ZFPM2: variants seen among roughly 807,000 people sequenced by gnomAD.
The protein encoded by ZFPM2 is zinc finger protein, FOG family member 2.
ZFPM2 carries 20 observed loss-of-function variants against 98.6 expected under a neutral mutation model. The ratio of observed to expected loss-of-function variants is 0.20; its 90% CI spans 0.14 to 0.29. ZFPM2 has a LOEUF of 0.29. ZFPM2 is among the 10% of genes least tolerant of loss of function. The probability of loss-of-function intolerance (pLI) is 1.00; values close to 1 mark genes in which losing one functional copy is unlikely to be tolerated. For synonymous variants in ZFPM2, 518 were observed against 502.7 expected (o/e 1.03, Z -0.41); for missense variants, 1,310 against 1,388.6 (o/e 0.94, Z 0.90).
intron 5 of ZFPM2, among the ~76,000 whole-genome samples, chr8:105,692,772 C>T (rs1378559812): frequency 6.6e-6 from 1 of 152,042 alleles, no homozygotes; most frequent in African/African-American, 2.4e-5. Context: ...GAAAATTGTT[C>T]AGGATGGAAG....
chr8:105,415,633 T>C (rs1378944521), intron 1 of ZFPM2, among the ~76,000 whole-genome samples: 1 of 152,092 alleles, frequency 6.6e-6, no homozygotes, highest in East Asian at 1.9e-4. Flanking sequence ...GCTTCAAGTG[T>C]CTCTTACCCT....
At position 105,724,001 on chromosome 8, in the gene ZFPM2, A is replaced by C. The variant is rs113016473; in HGVS notation, c.533-64717A>C. Among the ~76,000 whole-genome samples the C allele has an allele frequency of 8.1e-3, 1,230 of 151,338 alleles. 13 individuals are homozygous for C. The highest frequency in any genetic ancestry group is 0.027 in the African/African-American group (1,127 of 41,262). ...TTATCTTTACATTTTTAAAGCCAAAACTCTGTCTAAAATTATCAAACCATC... is the reference window on the plus strand; with the variant it reads ...TTATCTTTACATTTTTAAAGCCAAACCTCTGTCTAAAATTATCAAACCATC... On this transcript the variant is annotated intron_variant, in intron 5 of 7. Coordinates refer to ENST00000407775, the MANE Select transcript of ZFPM2 (RefSeq NM_012082.4).
chr8:105,799,575 A>C (rs1490003558), intron 7 of ZFPM2, among the ~76,000 whole-genome samples: 6 of 152,216 alleles, frequency 3.9e-5, no homozygotes, highest in Non-Finnish European at 7.3e-5. Flanking sequence ...CCCTCTCAAT[A>C]GCAAGGTGGC....
intron 1 of ZFPM2, among the ~76,000 whole-genome samples, chr8:105,345,352 T>A (rs1245141966): frequency 5.9e-5 from 9 of 152,090 alleles, no homozygotes; most frequent in Non-Finnish European, 8.8e-5. Context: ...ATTTTGTTCT[T>A]GTTTCCATCT....
chr8:105,711,308 T>C (rs1811391497), intron 5 of ZFPM2, among the ~76,000 whole-genome samples: 1 of 152,096 alleles, frequency 6.6e-6, no homozygotes, highest in Non-Finnish European at 1.5e-5. Context: ...TTCCTCTTAC[T>C]TCCCAGCCAG....
chr8:105,732,755 G>T (rs1040987965), intron 5 of ZFPM2, among the ~76,000 whole-genome samples: 2 of 151,838 alleles, frequency 1.3e-5, no homozygotes, highest in Non-Finnish European at 2.9e-5. Flanking sequence ...AGCAATGGGC[G>T]GTAAAGACAT....
intron 3 of ZFPM2, 71 bp from the exon 4 acceptor site, chr8:105,561,292 C>A: frequency 2.6e-6 from 3 of 1,169,244 alleles, no homozygotes; most frequent in Non-Finnish European, 3.8e-6. Context: ...GTAAAGCAAA[C>A]ACACAAAAAG....
At chr8:105,712,882 TG>T (rs1563532665) in intron 5 of ZFPM2, among the ~76,000 whole-genome samples, 1 of 152,070 alleles carries the variant, frequency 6.6e-6, no homozygotes, top group Non-Finnish European at 1.5e-5. Context: ...GCAAAGGACA[TG>T]ATATCATTCT....
At chr8:105,687,448 A>G (rs1331017804) in intron 5 of ZFPM2, among the ~76,000 whole-genome samples, 2 of 152,176 alleles carry the variant, frequency 1.3e-5, no homozygotes, top group African/African-American at 2.4e-5. Flanking sequence ...ACTTTGAACT[A>G]AAAGAGAATG....
chr8:105,597,994 C>G (rs1010224993), intron 4 of ZFPM2, among the ~76,000 whole-genome samples: 28 of 150,008 alleles, frequency 1.9e-4, no homozygotes, highest in African/African-American at 6.9e-4. Context: ...TCCTGTTGTT[C>G]TGCTGCATAA....
At chr8:105,340,796 A>G (rs1812414873) in intron 1 of ZFPM2, among the ~76,000 whole-genome samples, 1 of 151,978 alleles carries the variant, frequency 6.6e-6, no homozygotes, top group South Asian at 2.1e-4. Flanking sequence ...GGCAACAGGC[A>G]ATAAACACAA....
chr8:105,476,106 T>A (rs1167736341), intron 3 of ZFPM2, among the ~76,000 whole-genome samples: 1 of 152,224 alleles, frequency 6.6e-6, no homozygotes, highest in Non-Finnish European at 1.5e-5. Context: ...CACGAACTAC[T>A]ATTTGGTAGT....
At chr8:105,735,538 G>A (rs1370903175) in intron 5 of ZFPM2, among the ~76,000 whole-genome samples, 1 of 151,862 alleles carries the variant, frequency 6.6e-6, no homozygotes, top group Admixed American at 6.6e-5. Context: ...GTTTAGGAAA[G>A]ATCATGAGAT....
At chr8:105,736,920 T>C (rs1812086367) in intron 5 of ZFPM2, among the ~76,000 whole-genome samples, 1 of 152,068 alleles carries the variant, frequency 6.6e-6, no homozygotes, top group Non-Finnish European at 1.5e-5. Flanking sequence ...AAATAAACTA[T>C]GATAGCCACT....
intron 1 of ZFPM2, chr8:105,415,038 T>C (rs1439865790): frequency 6.6e-6 from 1 of 152,116 alleles, no homozygotes; most frequent in Non-Finnish European, 1.5e-5. Flanking sequence ...CTTCTTATCT[T>C]CCACTTTCTC....
intron 2 of ZFPM2, among the ~76,000 whole-genome samples, chr8:105,441,449 A>G (rs1260060279): frequency 2.6e-5 from 3 of 116,314 alleles, no homozygotes; most frequent in African/African-American, 1.3e-4. Flanking sequence ...AGAGAGAGAG[A>G]GAGAGAAAGA....
At chr8:105,541,858 A>G (rs1563709054) in intron 3 of ZFPM2, among the ~76,000 whole-genome samples, 1 of 152,194 alleles carries the variant, frequency 6.6e-6, no homozygotes, top group East Asian at 1.9e-4. Context: ...AAAGGAACAG[A>G]TGAGAAAATG....
chr8:105,479,753 A>G (rs1356957124), intron 3 of ZFPM2, among the ~76,000 whole-genome samples: 1 of 152,158 alleles, frequency 6.6e-6, no homozygotes, highest in East Asian at 1.9e-4. Flanking sequence ...TGTCTGAGAG[A>G]ATCTACAATA....
At chr8:105,793,762 T>C (rs1813701231) in intron 6 of ZFPM2, among the ~76,000 whole-genome samples, 1 of 151,772 alleles carries the variant, frequency 6.6e-6, no homozygotes, top group Non-Finnish European at 1.5e-5. Context: ...TAGTCCCATA[T>C]TTCTTGGAGG....
Sources: gnomAD v4.1 joint callset for allele counts (sites outside exome capture counted in the v4.1 genomes callset) on GRCh38, gnomAD v4.1.1 for gene constraint, MANE v1.5 for transcripts, NCBI Gene and HGNC (gene_info 2026-07-23, HGNC 2026-07-21) for gene names.